The following PPARG variants were observed in gnomAD, a reference collection of about 807,000 sequenced individuals.
PPARG encodes peroxisome proliferator activated receptor gamma, also known as peroxisome proliferator-activated receptor gamma.
In PPARG, 17 loss-of-function variants were observed where a neutral mutation model predicts 39.2. The observed-to-expected ratio is 0.43, with a 90% CI of 0.30 to 0.65. PPARG has a LOEUF of 0.65. Ranked by LOEUF, PPARG falls within the 30% of genes least tolerant of loss-of-function variation. The probability of loss-of-function intolerance (pLI) is 0.13; values close to 1 mark genes in which losing one functional copy is unlikely to be tolerated. For synonymous variants in PPARG, 223 were observed against 215.7 expected, an observed-to-expected ratio of 1.03 and a Z score of -0.30; for missense variants, 406 against 585.9, an observed-to-expected ratio of 0.69 and a Z score of 3.17.
At chr3:12,396,665 G>C (rs2050272655) in intron 5 of PPARG, among the ~76,000 whole-genome samples, 1 of 151,644 alleles carries the variant, frequency 6.6e-6, no homozygotes, top group Admixed American at 6.6e-5. Context: ...GTCTGGAGTG[G>C]GAAGATCGCT....
chr3:12,420,755 C>T (rs2051233770), intron 7 of PPARG, among the ~76,000 whole-genome samples: 2 of 152,172 alleles, frequency 1.3e-5, no homozygotes, highest in Non-Finnish European at 2.9e-5. Context: ...CCTAAGATTG[C>T]TGCCATTGAA....
chr3:12,305,462 C>T (rs1213604812), intron 1 of PPARG, among the ~76,000 whole-genome samples: 5 of 152,124 alleles, frequency 3.3e-5, no homozygotes, highest in Non-Finnish European at 4.4e-5. Context: ...TTTTTGTAAG[C>T]GTAATGGCTT....
chr3:12,382,815 T>TA (rs1456668826), intron 4 of PPARG, among the ~76,000 whole-genome samples: 1 of 151,918 alleles, frequency 6.6e-6, no homozygotes, highest in Non-Finnish European at 1.5e-5. Context: ...ACAAAATTTT[T>TA]AAAAAATTAA....
At chr3:12,327,874 T>C (rs994100057) in intron 2 of PPARG, 2 of 501,332 alleles carry the variant, frequency 4.0e-6, no homozygotes, top group African/African-American at 3.9e-5. Flanking sequence ...GCAAGCAAAC[T>C]GAACAAATGA....
At chr3:12,379,586 T>G in intron 2 of PPARG, 118 bp from the exon 3 acceptor site, 2 of 891,842 alleles carry the variant, frequency 2.2e-6, no homozygotes. Context: ...TCTGTTGTTG[T>G]GAGCGCCCAG....
intron 2 of PPARG, among the ~76,000 whole-genome samples, chr3:12,348,860 C>T (rs963822131): frequency 2.6e-5 from 4 of 152,196 alleles, no homozygotes; most frequent in African/African-American, 9.6e-5. Flanking sequence ...AAGATCTTAT[C>T]ATGTAAATCA....
At chr3:12,315,469 T>C (rs969307021) in intron 2 of PPARG, among the ~76,000 whole-genome samples, 3 of 152,226 alleles carry the variant, frequency 2.0e-5, no homozygotes, top group Admixed American at 6.5e-5. Context: ...CTCCCTCCAC[T>C]ATCTTTGCAA....
Position 12,399,596 on chromosome 3 carries a change from A to AAAAG in PPARG, c.530-6270_530-6267dup, listed in dbSNP as rs770174994. 469 of 162,960 alleles carry AAAAG rather than the reference A, an allele frequency of 2.9e-3. 1 individual carries two copies. Among genetic ancestry groups the AAAAG allele is most frequent in the Non-Finnish European group, 5.3e-3 (397 of 74,986 alleles). 10.1% of individuals were successfully genotyped at this position (162,960 alleles called of 1,614,324 possible). On this transcript the variant is annotated intron_variant, in intron 5 of 7. Coordinates refer to ENST00000651735, the MANE Select transcript of PPARG (RefSeq NM_138711.6). The stretch of plus-strand genomic sequence containing the variant: ...AATGAGACCCTGTCTCTTTAAAAAA[A>AAAAG]AAAGAAAGAAAGAAAGAAAAGAAAG...
At chr3:12,417,877 C>CTTTTTTTTTCTTTTTTTTTTTTT (rs2051116625) in intron 7 of PPARG, among the ~76,000 whole-genome samples, 1 of 64,652 alleles carries the variant, frequency 1.5e-5, no homozygotes, top group African/African-American at 4.7e-5. Flanking sequence ...TGACTTTTTT[C>CTTTTTTTTTCTTTTTTTTTTTTT]TTTTTTTTTT....
At chr3:12,304,422 A>G (rs1225493584) in intron 1 of PPARG, among the ~76,000 whole-genome samples, 3 of 152,226 alleles carry the variant, frequency 2.0e-5, no homozygotes, top group Non-Finnish European at 4.4e-5. Context: ...AGACTCCTAT[A>G]GGAGTGATAG....
At chr3:12,414,733 G>A (rs1274594258) in intron 6 of PPARG, among the ~76,000 whole-genome samples, 1 of 151,944 alleles carries the variant, frequency 6.6e-6, no homozygotes, top group East Asian at 1.9e-4. Flanking sequence ...AACCACCCAA[G>A]CAAAATGTTT....
At chr3:12,402,404 G>A (rs1407550675) in intron 5 of PPARG, among the ~76,000 whole-genome samples, 1 of 152,066 alleles carries the variant, frequency 6.6e-6, no homozygotes, top group Non-Finnish European at 1.5e-5. Context: ...CTCATTTTCT[G>A]TCTGTTTTTA....
intron 1 of PPARG, among the ~76,000 whole-genome samples, chr3:12,304,313 A>T (rs1194647435): frequency 6.6e-6 from 1 of 152,202 alleles, no homozygotes; most frequent in Non-Finnish European, 1.5e-5. Flanking sequence ...AACTTTTATT[A>T]TTCAACTTAT....
At chr3:12,431,065 C>G (rs1055642138) in intron 7 of PPARG, among the ~76,000 whole-genome samples, 1 of 151,802 alleles carries the variant, frequency 6.6e-6, no homozygotes, top group Admixed American at 6.6e-5. Flanking sequence ...AAATAAATAG[C>G]CTTCAGGAGC....
intron 7 of PPARG, among the ~76,000 whole-genome samples, chr3:12,426,768 T>G (rs768532812): frequency 3.3e-5 from 5 of 152,220 alleles, no homozygotes; most frequent in Non-Finnish European, 4.4e-5. Context: ...TGTCCCTCAG[T>G]CCTCTGACCA....
intron 4 of PPARG, among the ~76,000 whole-genome samples, chr3:12,384,493 A>G (rs1175156306): frequency 1.3e-5 from 2 of 152,122 alleles, no homozygotes; most frequent in African/African-American, 4.8e-5. Context: ...TATGTACCAG[A>G]TACTATGTGA....
chr3:12,328,245 C>T lies in PPARG; in HGVS notation c.-9+15792C>T, dbSNP rs1159827415. 14 of 1,525,342 alleles carry T rather than the reference C, an allele frequency of 9.2e-6. No individual in the cohort carries two copies. The East Asian group carries it at 1.2e-4, about 13-fold the overall frequency. The allele number at this position is 1,525,342 out of a possible 1,614,324, so 94.5% of individuals were successfully genotyped here. A position where few individuals can be genotyped will look rare whatever the true frequency, so the allele number is the denominator to read the frequency against. ...CGTTAAGGAAGCTGAGAACAACATCCGGGAGATGCTGATGGCACGAAGGGC... is the reference window on the plus strand; with the variant it reads ...CGTTAAGGAAGCTGAGAACAACATCTGGGAGATGCTGATGGCACGAAGGGC... On this transcript the variant is annotated intron_variant, in intron 2 of 7. Transcript: ENST00000651735.
At chr3:12,350,413 A>G (rs559965265) in intron 2 of PPARG, among the ~76,000 whole-genome samples, 1 of 152,296 alleles carries the variant, frequency 6.6e-6, no homozygotes, top group South Asian at 2.1e-4. Context: ...TAGTTACTCA[A>G]TGGAGATTAA....
At chr3:12,366,471 A>G (rs1410573215) in intron 2 of PPARG, among the ~76,000 whole-genome samples, 1 of 152,020 alleles carries the variant, frequency 6.6e-6, no homozygotes, top group African/African-American at 2.4e-5. Flanking sequence ...TAAGACTTCT[A>G]GTATGATGTT....
Sources: gnomAD v4.1 joint callset for allele counts (sites outside exome capture counted in the v4.1 genomes callset) on GRCh38, gnomAD v4.1.1 for gene constraint, MANE v1.5 for transcripts, NCBI Gene and HGNC (gene_info 2026-07-23, HGNC 2026-07-21) for gene names.